The following NTRK3 variants were observed in gnomAD, a reference collection of about 807,000 sequenced individuals.
NTRK3 encodes NT-3 growth factor receptor.
A neutral mutation model predicts 91.7 loss-of-function variants in NTRK3; 24 were observed. The observed-to-expected ratio is 0.26, with a 90% CI of 0.19 to 0.37. The LOEUF is 0.37. NTRK3 is among the 10% of genes least tolerant of loss of function. NTRK3 has a pLI of 1.00. For missense variants in NTRK3, 880 were observed against 1,068.9 expected (o/e 0.82, Z 2.46); for synonymous variants, 483 against 404.0 (o/e 1.20, Z -2.34).
rs1369400084 is a variant in NTRK3, at chr15:88,135,060, A to C, written c.1204+41T>G. On this transcript the variant is annotated intron_variant, in intron 10 of 18. Coordinates refer to ENST00000394480, the Ensembl canonical transcript of NTRK3. ...CATGCCCCATCTCCCAAGCTTGTAG[A>C]AAGAATCCATACACCTCCGATCCAG... 4.3e-6 allele frequency: 7 copies of C among 1,611,404 alleles called. No homozygotes were observed. The East Asian group carries it at 1.6e-4, about 36-fold the overall frequency.
chr15:88,128,897 T>C (rs929548952), intron 10 of NTRK3, among the ~76,000 whole-genome samples, 163 bp from the exon 11 acceptor site: 2 of 152,190 alleles, frequency 1.3e-5, no homozygotes, highest in Non-Finnish European at 2.9e-5. Flanking sequence ...CTCCCCATGC[T>C]ACACTACCAG....
chr15:87,998,638 G>T (rs1331207020), intron 14 of NTRK3, among the ~76,000 whole-genome samples: 2 of 152,174 alleles, frequency 1.3e-5, no homozygotes, highest in Admixed American at 6.5e-5. Flanking sequence ...CCACATTAGG[G>T]AGTTTAATTA....
intron 13 of NTRK3, among the ~76,000 whole-genome samples, chr15:88,120,378 A>G (rs2052570516): frequency 6.6e-6 from 1 of 152,166 alleles, no homozygotes; most frequent in Non-Finnish European, 1.5e-5. Flanking sequence ...AACTAACGCT[A>G]ATTTACAATG....
chr15:88,124,098 G>A (rs1344597617), intron 13 of NTRK3, among the ~76,000 whole-genome samples: 1 of 152,216 alleles, frequency 6.6e-6, no homozygotes, highest in Non-Finnish European at 1.5e-5. Context: ...ATCCTAAAGT[G>A]AGACCCAAAC....
At chr15:87,983,306 G>A (rs1019658551) in intron 14 of NTRK3, among the ~76,000 whole-genome samples, 1 of 152,132 alleles carries the variant, frequency 6.6e-6, no homozygotes, top group African/African-American at 2.4e-5. Context: ...CAGTGGGAAG[G>A]GCATCCCACC....
intron 17 of NTRK3, among the ~76,000 whole-genome samples, chr15:87,924,028 G>A (rs1473536762): frequency 6.6e-6 from 1 of 152,182 alleles, no homozygotes; most frequent in South Asian, 2.1e-4. Context: ...GTATTCTGTT[G>A]TAGCAACACA....
At chr15:88,073,032 T>A in intron 13 of NTRK3, 1 of 193,702 alleles carries the variant, frequency 5.2e-6, no homozygotes, top group Non-Finnish European at 1.1e-5. Context: ...TCAGGTAGCT[T>A]GAGGGTCACG....
chr15:88,154,535 G>A (rs2151380019), intron 5 of NTRK3, among the ~76,000 whole-genome samples: 1 of 152,298 alleles, frequency 6.6e-6, no homozygotes, highest in Non-Finnish European at 1.5e-5. Flanking sequence ...GGGGTTTAAA[G>A]CCATCTGAGC....
chr15:87,883,780 TA>T (rs1446095573), intron 17 of NTRK3, among the ~76,000 whole-genome samples: 2 of 151,308 alleles, frequency 1.3e-5, no homozygotes, highest in Non-Finnish European at 3.0e-5. Flanking sequence ...AATAATTTTT[TA>T]AAAGTTGTCT....
intron 5 of NTRK3, among the ~76,000 whole-genome samples, chr15:88,179,243 G>A (rs556504978): frequency 6.6e-6 from 1 of 152,268 alleles, no homozygotes; most frequent in East Asian, 1.9e-4. Context: ...TCTAAACATA[G>A]TAATGACTAG....
chr15:88,137,829 G>A (rs189084169), intron 6 of NTRK3, among the ~76,000 whole-genome samples: 1 of 152,320 alleles, frequency 6.6e-6, no homozygotes, highest in African/African-American at 2.4e-5. Context: ...AAGACAGGTA[G>A]ATCATGAGGT....
At chr15:87,874,081 C>T in exon 19 of NTRK3, 3 of 229,390 alleles carry the variant, frequency 1.3e-5, no homozygotes, top group East Asian at 1.2e-4. Flanking sequence ...GTGTACTAAG[C>T]CTTATCAGTC....
intron 3 of NTRK3, among the ~76,000 whole-genome samples, chr15:88,185,076 G>A (rs2046839569): frequency 6.6e-6 from 1 of 152,192 alleles, no homozygotes; most frequent in African/African-American, 2.4e-5. Flanking sequence ...AAAGAGGAGA[G>A]TTGCACTGGA....
intron 13 of NTRK3, among the ~76,000 whole-genome samples, chr15:88,058,153 G>A (rs1253438553): frequency 6.6e-6 from 1 of 152,200 alleles, no homozygotes; most frequent in African/African-American, 2.4e-5. Flanking sequence ...CTTTGACAGG[G>A]TCAGGAGCAA....
At chr15:88,251,868 A>G (rs1333052287) in intron 3 of NTRK3, among the ~76,000 whole-genome samples, 1 of 152,178 alleles carries the variant, frequency 6.6e-6, no homozygotes. Context: ...AGGACTTTCA[A>G]AGCAGTGGCC....
intron 5 of NTRK3, among the ~76,000 whole-genome samples, chr15:88,151,214 C>T (rs2043345548): frequency 6.6e-6 from 1 of 152,144 alleles, no homozygotes; most frequent in Non-Finnish European, 1.5e-5. Context: ...GACACTGCCC[C>T]TTCTATCTCT....
At chr15:88,189,991 A>C (rs1457806465) in intron 3 of NTRK3, among the ~76,000 whole-genome samples, 1 of 152,222 alleles carries the variant, frequency 6.6e-6, no homozygotes, top group African/African-American at 2.4e-5. Context: ...ACCACCATCT[A>C]ACCCCAGAGG....
At chr15:88,224,890 G>A (rs940313162) in intron 3 of NTRK3, among the ~76,000 whole-genome samples, 3 of 152,216 alleles carry the variant, frequency 2.0e-5, no homozygotes, top group African/African-American at 7.2e-5. Flanking sequence ...CACTGGAGCT[G>A]GAGAATCAAA....
intron 13 of NTRK3, among the ~76,000 whole-genome samples, chr15:88,095,257 T>C (rs554219176): frequency 5.3e-5 from 8 of 152,358 alleles, no homozygotes; most frequent in Non-Finnish European, 1.0e-4. Flanking sequence ...ATGGCTGCTA[T>C]TTGGAGAAAA....
Sources: gnomAD v4.1 joint callset for allele counts (sites outside exome capture counted in the v4.1 genomes callset) on GRCh38, gnomAD v4.1.1 for gene constraint, MANE v1.5 for transcripts, NCBI Gene and HGNC (gene_info 2026-07-23, HGNC 2026-07-21) for gene names.